Variants in LHX4 observed in about 807,000 individuals in gnomAD.
LHX4 encodes LIM/homeobox protein Lhx4.
A neutral mutation model predicts 39.2 loss-of-function variants in LHX4; 16 were observed. That is an observed-to-expected ratio of 0.41 (90% CI 0.28 to 0.62). The LOEUF (loss-of-function observed/expected upper bound fraction) is 0.62, where lower values mean the gene tolerates loss of function less well. Ranked by LOEUF, LHX4 falls within the 20% of genes least tolerant of loss-of-function variation. LHX4 has a pLI of 0.33. For missense variants in LHX4, 439 were observed against 511.9 expected (o/e 0.86, Z 1.37); for synonymous variants, 206 against 198.1 (o/e 1.04, Z -0.33).
At chr1:180,270,160 T>C (rs946100729) in intron 3 of LHX4, 1 of 152,294 alleles carries the variant, frequency 6.6e-6, no homozygotes, top group African/African-American at 2.4e-5. Context: ...CCAGGTCTGC[T>C]GACTCCAGGG....
At chr1:180,260,299 C>T (rs140704636) in intron 2 of LHX4, among the ~76,000 whole-genome samples, 2 of 151,766 alleles carry the variant, frequency 1.3e-5, no homozygotes, top group East Asian at 1.9e-4. Flanking sequence ...GCTCAGAGGT[C>T]GGAACTTACC....
In LHX4 at chr1:180,234,824, G is replaced by A. The variant is rs1366783443; in HGVS notation, c.76+4219G>A. 1.3e-5 allele frequency among the ~76,000 whole-genome samples: 2 copies of A among 152,246 alleles called. No individual in the cohort carries two copies. Among genetic ancestry groups the A allele is most frequent in the Non-Finnish European group, 2.9e-5 (2 of 68,044 alleles). Reference sequence around the variant, plus strand: ...ACCAGAGCTAGGCGGGGCTACGCAGGGCTGAGCAGGAGTGGCGTCCTAGGG... The same window carrying A: ...ACCAGAGCTAGGCGGGGCTACGCAGAGCTGAGCAGGAGTGGCGTCCTAGGG... On this transcript the variant is annotated intron_variant, in intron 1 of 5. Transcript: ENST00000263726. The surrounding 1 kb of genome is among the most constrained non-coding windows in gnomAD (Gnocchi z 4.8).
At chr1:180,250,228 C>T (rs181339213) in intron 2 of LHX4, among the ~76,000 whole-genome samples, 1 of 152,104 alleles carries the variant, frequency 6.6e-6, no homozygotes. Context: ...CAGTGGGCAA[C>T]AGGAGTTTGC....
rs1054555075 is a variant in LHX4 at position 180,277,876 on chromosome 1, T to C, written c.*3297T>C. 5 of 69,368 alleles carry C rather than the reference T, an allele frequency of 7.2e-5. No homozygotes were observed. Among genetic ancestry groups the C allele is most frequent in the Admixed American group, 3.5e-4 (2 of 5,666 alleles). The allele number at this position is 69,368 out of a possible 1,614,324, so 4.3% of individuals were successfully genotyped here. A position where few individuals can be genotyped will look rare whatever the true frequency, so the allele number is the denominator to read the frequency against. On this transcript the variant is annotated 3_prime_UTR_variant, in exon 6 of 6. Transcript: ENST00000263726. ...ATTTGGCAGTGTCCTTAAACTTTTT[T>C]TGGGGGGGGGCAGTGTAAAACATGA...
intron 1 of LHX4, among the ~76,000 whole-genome samples, chr1:180,243,702 C>T (rs887047175): frequency 1.3e-5 from 2 of 152,084 alleles, no homozygotes; most frequent in South Asian, 2.1e-4. Flanking sequence ...TTCCCGCCCT[C>T]CTGTGGACAT....
At chr1:180,243,529 A>G (rs1267941687) in intron 1 of LHX4, among the ~76,000 whole-genome samples, 2 of 152,128 alleles carry the variant, frequency 1.3e-5, no homozygotes, top group African/African-American at 4.8e-5. Flanking sequence ...ATTTCCAGAT[A>G]GTTTATATTT....
chr1:180,250,354 CGT>C (rs1440497803), intron 2 of LHX4, among the ~76,000 whole-genome samples: 2 of 142,176 alleles, frequency 1.4e-5, no homozygotes, highest in Non-Finnish European at 3.1e-5. Context: ...TGTGTGCGCG[CGT>C]GGGTTGACAT....
At chr1:180,244,780 G>C (rs1310822329) in intron 1 of LHX4, among the ~76,000 whole-genome samples, 3 of 152,234 alleles carry the variant, frequency 2.0e-5, no homozygotes, top group Non-Finnish European at 4.4e-5. Context: ...GGCCAGAGAA[G>C]ATGGTGCTTC....
chr1:180,278,066 G>A lies in LHX4; in HGVS notation c.*3487G>A, dbSNP rs1269523386. ...GGGCTCAAGGCTTCTGATGAGCAAAGGCTGTGTGTTGTATGACAGTCCACT... is the reference window on the plus strand; with the variant it reads ...GGGCTCAAGGCTTCTGATGAGCAAAAGCTGTGTGTTGTATGACAGTCCACT... On this transcript the variant is annotated 3_prime_UTR_variant, in exon 6 of 6. Coordinates refer to ENST00000263726, the MANE Select transcript of LHX4 (RefSeq NM_033343.4). 1 of 152,194 alleles carries A rather than the reference G, an allele frequency of 6.6e-6. No homozygotes were observed. The highest frequency in any genetic ancestry group is 1.5e-5 in the Non-Finnish European group (1 of 68,056). 9.4% of individuals were successfully genotyped at this position (152,194 alleles called of 1,614,324 possible). A position where few individuals can be genotyped will look rare whatever the true frequency, so the allele number is the denominator to read the frequency against.
chr1:180,268,316 T>G (rs1238228861), intron 3 of LHX4, among the ~76,000 whole-genome samples: 1 of 152,192 alleles, frequency 6.6e-6, no homozygotes, highest in East Asian at 1.9e-4. Flanking sequence ...CTGAGCACTC[T>G]CAGCTCAGCA....
rs759741774 is a variant in LHX4, at chr1:180,266,552, C to T, written c.409C>T (p.Arg137Trp). 3.7e-6 allele frequency: 6 copies of T among 1,614,144 alleles called. No individual in the cohort carries two copies. The highest frequency in any genetic ancestry group is 5.1e-6 in the Non-Finnish European group (6 of 1,180,020). ...GDEFYLMEDG[R>W]LVCKEDYETA... ...CGAATTCTACCTCATGGAGGACGGGCGGCTGGTGTGCAAGGAAGACTACGA... is the reference window on the plus strand; with the variant it reads ...CGAATTCTACCTCATGGAGGACGGGTGGCTGGTGTGCAAGGAAGACTACGA... The change falls in exon 3 of 6, where the codon CGG (arginine) becomes TGG (tryptophan). Residue 137 changes from arginine (R) to tryptophan (W), a missense_variant. Transcript: ENST00000263726. The surrounding 1 kb of genome is among the most constrained non-coding windows in gnomAD (Gnocchi z 5.7).
At chr1:180,245,205 G>C (rs1235818774) in intron 1 of LHX4, among the ~76,000 whole-genome samples, 1 of 152,200 alleles carries the variant, frequency 6.6e-6, no homozygotes, top group Non-Finnish European at 1.5e-5. Context: ...CTCAGCTCAT[G>C]CTGGAGAAAC....
intron 5 of LHX4, 175 bp from the exon 6 acceptor site, chr1:180,274,010 G>C: frequency 1.4e-6 from 1 of 692,162 alleles, no homozygotes; most frequent in Non-Finnish European, 2.5e-6. Flanking sequence ...TCCTTGGCCT[G>C]GGTTGGCCTC....
chr1:180,264,016 T>A (rs1466648957), intron 2 of LHX4, among the ~76,000 whole-genome samples: 1 of 152,130 alleles, frequency 6.6e-6, no homozygotes, highest in Admixed American at 6.5e-5. Context: ...CAGGCTGGAG[T>A]GCAGTGGCGT....
chr1:180,274,114 T>G, intron 5 of LHX4, 71 bp from the exon 6 acceptor site: 1 of 1,584,830 alleles, frequency 6.3e-7, no homozygotes, highest in Non-Finnish European at 8.7e-7. Context: ...TGTGTGTTCC[T>G]AGGTTGTGAA....
intron 2 of LHX4, among the ~76,000 whole-genome samples, chr1:180,263,404 G>A (rs967843855): frequency 6.6e-6 from 1 of 152,172 alleles, no homozygotes; most frequent in Non-Finnish European, 1.5e-5. Flanking sequence ...AGGATGCCCT[G>A]TATTCTAGAT....
intron 2 of LHX4, among the ~76,000 whole-genome samples, chr1:180,252,186 C>T (rs1327686769): frequency 6.6e-6 from 1 of 152,210 alleles, no homozygotes; most frequent in South Asian, 2.1e-4. Context: ...TGTCACCAGG[C>T]ACCTCTTTCA....
At chr1:180,268,671 G>A (rs148792578) in intron 3 of LHX4, among the ~76,000 whole-genome samples, 11 of 152,286 alleles carry the variant, frequency 7.2e-5, no homozygotes, top group African/African-American at 1.9e-4. Flanking sequence ...AGACTGACGT[G>A]GAGGAGAAGT....
chr1:180,230,055 C>G (rs1233096122), upstream of LHX4, among the ~76,000 whole-genome samples: 1 of 150,990 alleles, frequency 6.6e-6, no homozygotes, highest in African/African-American at 2.4e-5. The surrounding 1 kb of genome is among the most constrained non-coding windows in gnomAD (Gnocchi z 5.8). Flanking sequence ...GGCGCCGGGA[C>G]CCCCACTCCC....
Sources: gnomAD v4.1 joint callset for allele counts (sites outside exome capture counted in the v4.1 genomes callset) on GRCh38, gnomAD v4.1.1 for gene constraint, Gnocchi (gnomAD v3.1) non-coding constraint, MANE v1.5 for transcripts, NCBI Gene and HGNC (gene_info 2026-07-23, HGNC 2026-07-21) for gene names.